The following RBM25 variants were observed in gnomAD, a reference collection of about 807,000 sequenced individuals.
RBM25 encodes RNA binding motif protein 25, also known as RNA-binding protein 25.
RBM25 carries 19 observed loss-of-function variants against 120.7 expected under a neutral mutation model. The observed-to-expected ratio is 0.16, with a 90% confidence interval of 0.11 to 0.23. RBM25 has a LOEUF of 0.23. RBM25 is among the 10% of genes least tolerant of loss of function. RBM25 has a pLI of 1.00. For synonymous variants in RBM25, 390 were observed against 326.7 expected (o/e 1.19, Z -2.09); for missense variants, 605 against 1,041.5 (o/e 0.58, Z 5.77).
At chr14:73,071,322 C>A (rs761035562) in intron 1 of RBM25, among the ~76,000 whole-genome samples, 2 of 150,628 alleles carry the variant, frequency 1.3e-5, no homozygotes, top group Non-Finnish European at 2.9e-5. Context: ...TAAAAAGATT[C>A]GTTTATGTGT....
At chr14:73,085,400 A>G (rs966766137) in intron 5 of RBM25, among the ~76,000 whole-genome samples, 2 of 148,998 alleles carry the variant, frequency 1.3e-5, no homozygotes, top group Non-Finnish European at 3.0e-5. Context: ...ATGCTTCTCT[A>G]TGGAGAAAGT....
chr14:73,109,935 A>G (rs1896273528), intron 14 of RBM25, among the ~76,000 whole-genome samples: 1 of 151,610 alleles, frequency 6.6e-6, no homozygotes, highest in Non-Finnish European at 1.5e-5. Flanking sequence ...CCCAGGCTGG[A>G]GTGCAGTGGT....
Position 73,120,809 on chromosome 14 carries a change from G to A in RBM25, c.*1004G>A, listed in dbSNP as rs1332740034. Reference sequence around the variant, plus strand: ...ATAAAATTAGGCAAATTGACAGACAGTGAGAGTTTTACAAACATGATAGGT... The same window carrying A: ...ATAAAATTAGGCAAATTGACAGACAATGAGAGTTTTACAAACATGATAGGT... On this transcript the variant is annotated 3_prime_UTR_variant, in exon 19 of 19. Coordinates refer to ENST00000261973, the MANE Select transcript of RBM25 (RefSeq NM_021239.3). 6.6e-6 allele frequency: 1 copy of A among 152,152 alleles called. No individual in the cohort carries two copies. Among genetic ancestry groups the A allele is most frequent in the African/African-American group, 2.4e-5 (1 of 41,424 alleles). The allele number at this position is 152,152 out of a possible 1,614,324, so 9.4% of individuals were successfully genotyped here. A position where few individuals can be genotyped will look rare whatever the true frequency, so the allele number is the denominator to read the frequency against.
intron 5 of RBM25, among the ~76,000 whole-genome samples, chr14:73,084,145 G>C (rs535811437): frequency 6.6e-6 from 1 of 151,960 alleles, no homozygotes; most frequent in Non-Finnish European, 1.5e-5. Flanking sequence ...TGATCCACCC[G>C]CCTTGACCTC....
In RBM25 at chr14:73,059,617, C is replaced by T. The variant is rs919694593; in HGVS notation, c.-16+912C>T. 3.3e-5 allele frequency among the ~76,000 whole-genome samples: 5 copies of T among 152,242 alleles called. 1 individual carries two copies. In the East Asian group the frequency reaches 9.6e-4, roughly 29 times the overall value. On this transcript the variant is annotated intron_variant, in intron 1 of 18. Coordinates refer to ENST00000261973, the MANE Select transcript of RBM25 (RefSeq NM_021239.3). The stretch of plus-strand genomic sequence containing the variant: ...CCTACTGCTGTATTAGTGTGAAGTA[C>T]TCTGTGTATTAGGCCGTGGGCAGTA...
intron 6 of RBM25, among the ~76,000 whole-genome samples, chr14:73,096,060 C>T (rs1895935424): frequency 6.6e-6 from 1 of 152,094 alleles, no homozygotes; most frequent in Non-Finnish European, 1.5e-5. Context: ...TCACTGCAAC[C>T]ACTGCCTTCC....
At position 73,120,497 on chromosome 14, in the gene RBM25, C is replaced by A. The variant is rs1218460421; in HGVS notation, c.*692C>A. On this transcript the variant is annotated 3_prime_UTR_variant, in exon 19 of 19. Coordinates refer to ENST00000261973, the MANE Select transcript of RBM25 (RefSeq NM_021239.3). ...TATTAGTTTCCCAGAGCATGGTGTT[C>A]TCGTGTCGTGAGCAATGTGGTTTGC... is the stretch of plus-strand genomic sequence containing the variant. The A allele has an allele frequency of 6.6e-6, 1 of 152,586 alleles. No homozygotes were observed. Among genetic ancestry groups the A allele is most frequent in the Non-Finnish European group, 1.5e-5 (1 of 68,030 alleles). The allele number at this position is 152,586 out of a possible 1,614,324, so 9.5% of individuals were successfully genotyped here.
chr14:73,097,332 C>G (rs1466809566), intron 7 of RBM25, among the ~76,000 whole-genome samples: 1 of 151,314 alleles, frequency 6.6e-6, no homozygotes. Context: ...TCCTGAGTAG[C>G]TGGGACTACA....
chr14:73,119,220 A>G (rs1896495579), intron 18 of RBM25, among the ~76,000 whole-genome samples: 1 of 152,234 alleles, frequency 6.6e-6, no homozygotes, highest in Non-Finnish European at 1.5e-5. Context: ...CTATGTAATA[A>G]CAATACAGAA....
At position 73,090,957 on chromosome 14, in the gene RBM25, CAG is replaced by C. The variant is rs1008110599; in HGVS notation, c.543+2798_543+2799del. Among the ~76,000 whole-genome samples, 6 of 152,274 alleles carry C rather than the reference CAG, an allele frequency of 3.9e-5. No homozygotes were observed. The East Asian group carries it at 7.7e-4, about 20-fold the overall frequency. On this transcript the variant is annotated intron_variant, in intron 6 of 18. Coordinates refer to ENST00000261973, the MANE Select transcript of RBM25 (RefSeq NM_021239.3). ...GTCACATCACTAAAACCTCAAAAAA[CAG>C]AAATGTTTGAAATAAGAATTTTCAG...
intron 1 of RBM25, among the ~76,000 whole-genome samples, chr14:73,065,509 C>A (rs1419445558): frequency 6.6e-6 from 1 of 151,994 alleles, no homozygotes; most frequent in African/African-American, 2.4e-5. Flanking sequence ...ACTGCAACCC[C>A]TGCCACCCAG....
intron 1 of RBM25, among the ~76,000 whole-genome samples, chr14:73,070,340 A>G (rs1895254246): frequency 6.6e-6 from 1 of 152,172 alleles, no homozygotes; most frequent in Non-Finnish European, 1.5e-5. Flanking sequence ...TACAGGCGTG[A>G]GCCACTGCAA....
At chr14:73,068,107 C>T (rs1895185450) in intron 1 of RBM25, 1 of 711,082 alleles carries the variant, frequency 1.4e-6, no homozygotes, top group Non-Finnish European at 2.4e-6. Flanking sequence ...CCAACTTTAC[C>T]TCGTTCACAG....
Position 73,071,598 on chromosome 14 carries a change from A to G in RBM25, c.-15-29A>G, listed in dbSNP as rs188000868. The G allele has an allele frequency of 3.0e-3, 4,354 of 1,458,796 alleles. 9 individuals are homozygous for G. Among genetic ancestry groups the G allele is most frequent in the Non-Finnish European group, 3.7e-3 (3,824 of 1,046,268 alleles). The allele number at this position is 1,458,796 out of a possible 1,614,324, so 90.4% of individuals were successfully genotyped here. Reference sequence around the variant, plus strand: ...ATAAAATTGTGACGTTTTCAAATAAAATGATTTGTCATGTCCTTTTTTCTT... The same window carrying G: ...ATAAAATTGTGACGTTTTCAAATAAGATGATTTGTCATGTCCTTTTTTCTT... On this transcript the variant is annotated intron_variant, in intron 1 of 18. Transcript: ENST00000261973.
intron 1 of RBM25, chr14:73,068,681 T>C (rs532697678): frequency 7.8e-4 from 262 of 334,584 alleles, no homozygotes; most frequent in Admixed American, 2.4e-3. Context: ...CTTCCTTGGC[T>C]GGACTGCAGG....
At chr14:73,081,153 T>A (rs1895553856) in intron 4 of RBM25, among the ~76,000 whole-genome samples, 1 of 151,264 alleles carries the variant, frequency 6.6e-6, no homozygotes, top group South Asian at 2.1e-4. Flanking sequence ...TTATTTTTTA[T>A]CTTTGAGACA....
At chr14:73,060,003 G>C (rs2140416444) in intron 1 of RBM25, among the ~76,000 whole-genome samples, 1 of 152,196 alleles carries the variant, frequency 6.6e-6, no homozygotes, top group South Asian at 2.1e-4. Flanking sequence ...TGAAATGTAA[G>C]AGTCCAACCC....
At position 73,122,332 on chromosome 14, in the gene RBM25, A is replaced by T. The variant is rs898921103; in HGVS notation, c.*2527A>T. ...CTTTTGTCGCCCAGGATGGAGTGCAATGGCGCGAGCTCAGCTCACTTCAAC... is the reference window on the plus strand; with the variant it reads ...CTTTTGTCGCCCAGGATGGAGTGCATTGGCGCGAGCTCAGCTCACTTCAAC... On this transcript the variant is annotated 3_prime_UTR_variant, in exon 19 of 19. Coordinates refer to ENST00000261973, the MANE Select transcript of RBM25 (RefSeq NM_021239.3). 1 of 151,108 alleles carries T rather than the reference A, an allele frequency of 6.6e-6. No homozygotes were observed. Among genetic ancestry groups the T allele is most frequent in the Non-Finnish European group, 1.5e-5 (1 of 67,888 alleles). The allele number at this position is 151,108 out of a possible 1,614,324, so 9.4% of individuals were successfully genotyped here.
At chr14:73,104,663 G>A (rs1896142452) in intron 10 of RBM25, among the ~76,000 whole-genome samples, 1 of 151,946 alleles carries the variant, frequency 6.6e-6, no homozygotes, top group African/African-American at 2.4e-5. Context: ...CACCATGCCC[G>A]GCCTTATATT....
Sources: gnomAD v4.1 joint callset for allele counts (sites outside exome capture counted in the v4.1 genomes callset) on GRCh38, gnomAD v4.1.1 for gene constraint, MANE v1.5 for transcripts, NCBI Gene and HGNC (gene_info 2026-07-23, HGNC 2026-07-21) for gene names.